Variants in GMDS observed in about 807,000 individuals in gnomAD.
GMDS encodes GDP-mannose 4,6 dehydratase.
In GMDS, 20 loss-of-function variants were observed where a neutral mutation model predicts 49.9. The ratio of observed to expected loss-of-function variants is 0.40; its 90% CI spans 0.28 to 0.58. The LOEUF (loss-of-function observed/expected upper bound fraction) is 0.58. GMDS is among the 20% of genes least tolerant of loss of function. The pLI is 0.42. For missense variants in GMDS, 362 were observed against 481.4 expected (o/e 0.75, Z 2.32); for synonymous variants, 177 against 178.6 (o/e 0.99, Z 0.07).
chr6:2,084,354 G>C (rs951088150), intron 4 of GMDS, among the ~76,000 whole-genome samples: 2 of 152,040 alleles, frequency 1.3e-5, no homozygotes, highest in African/African-American at 4.8e-5. Flanking sequence ...TTCATCAAGT[G>C]GTTGGACTCA....
At chr6:1,773,162 T>C (rs1768649695) in intron 7 of GMDS, among the ~76,000 whole-genome samples, 1 of 150,270 alleles carries the variant, frequency 6.7e-6, no homozygotes, top group Non-Finnish European at 1.5e-5. Context: ...TTATATGCAT[T>C]CAAGGCAGTT....
chr6:1,777,741 C>T (rs528196213), intron 7 of GMDS, among the ~76,000 whole-genome samples: 31 of 152,216 alleles, frequency 2.0e-4, no homozygotes, highest in African/African-American at 4.6e-4. Flanking sequence ...CTTTCTTCTT[C>T]GGGGGATGGA....
At chr6:1,865,968 A>G (rs1296120748) in intron 7 of GMDS, among the ~76,000 whole-genome samples, 2 of 152,132 alleles carry the variant, frequency 1.3e-5, no homozygotes, top group Non-Finnish European at 2.9e-5. Flanking sequence ...CCCAAACTCA[A>G]TTCCTGGCTG....
rs116056168 is a variant in GMDS, at chr6:1,924,689, G to C, written c.771+5414C>G. 6.2e-3 allele frequency among the ~76,000 whole-genome samples: 951 copies of C among 152,258 alleles called. 6 individuals carry two copies. The highest frequency in any genetic ancestry group is 0.022 in the African/African-American group (904 of 41,534). The stretch of plus-strand genomic sequence containing the variant: ...CAATAGAATACATGTTGAATGAACA[G>C]TGCCACCCTGAGAAGTCAGAGGTTC... On this transcript the variant is annotated intron_variant, in intron 7 of 10. Transcript: ENST00000380815.
At chr6:1,975,656 T>C (rs1242801044) in intron 4 of GMDS, among the ~76,000 whole-genome samples, 1 of 152,166 alleles carries the variant, frequency 6.6e-6, no homozygotes, top group Admixed American at 6.5e-5. Context: ...AAAGTCACAT[T>C]AGGAATAGGA....
At chr6:1,697,513 A>G (rs922602577) in intron 9 of GMDS, among the ~76,000 whole-genome samples, 1 of 152,250 alleles carries the variant, frequency 6.6e-6, no homozygotes, top group Admixed American at 6.5e-5. Flanking sequence ...GCTATTCCTT[A>G]ATAGAAAACA....
chr6:1,768,658 G>A (rs908898238), intron 7 of GMDS, among the ~76,000 whole-genome samples: 10 of 152,218 alleles, frequency 6.6e-5, no homozygotes, highest in African/African-American at 2.4e-4. Flanking sequence ...CAAAGGACAT[G>A]CTCATTGGAG....
chr6:1,696,079 C>T (rs1765331278), intron 9 of GMDS, among the ~76,000 whole-genome samples: 1 of 152,092 alleles, frequency 6.6e-6, no homozygotes, highest in Non-Finnish European at 1.5e-5. Flanking sequence ...AACAGAAAAG[C>T]AGGAGACAGA....
chr6:1,828,547 A>T (rs186434311), intron 7 of GMDS, among the ~76,000 whole-genome samples: 3 of 152,300 alleles, frequency 2.0e-5, no homozygotes, highest in Admixed American at 1.3e-4. Flanking sequence ...GCAAAACAGT[A>T]ACAATTCATC....
chr6:1,875,415 T>C (rs866784740), intron 7 of GMDS, among the ~76,000 whole-genome samples: 28 of 152,130 alleles, frequency 1.8e-4, no homozygotes, highest in Middle Eastern at 6.8e-3. Flanking sequence ...ATTTCAAACA[T>C]GTATAAGTGC....
chr6:1,892,842 C>T (rs1051424083), intron 7 of GMDS, among the ~76,000 whole-genome samples: 10 of 152,196 alleles, frequency 6.6e-5, no homozygotes, highest in African/African-American at 1.9e-4. Flanking sequence ...TGACTGGACA[C>T]GCATTCTGAC....
chr6:2,160,581 G>A (rs1167839567), intron 1 of GMDS, among the ~76,000 whole-genome samples: 1 of 152,170 alleles, frequency 6.6e-6, no homozygotes, highest in South Asian at 2.1e-4. Context: ...GACAGGTGTT[G>A]CCCAGGCTGC....
chr6:1,748,717 T>A (rs1363506462), intron 7 of GMDS, among the ~76,000 whole-genome samples: 1 of 152,244 alleles, frequency 6.6e-6, no homozygotes, highest in African/African-American at 2.4e-5. Flanking sequence ...TGGGTATGAC[T>A]GTGTTCCAAT....
intron 2 of GMDS, among the ~76,000 whole-genome samples, chr6:2,119,310 C>T (rs1275188990): frequency 6.6e-6 from 1 of 152,068 alleles, no homozygotes; most frequent in East Asian, 1.9e-4. Flanking sequence ...AAAATGCAGA[C>T]AACTATACAA....
chr6:1,743,003 AGATAG>A (rs1412409573), intron 7 of GMDS, among the ~76,000 whole-genome samples: 1 of 152,266 alleles, frequency 6.6e-6, no homozygotes, highest in Non-Finnish European at 1.5e-5. Context: ...TTCATATCAT[AGATAG>A]TAGTCAAGGA....
intron 4 of GMDS, among the ~76,000 whole-genome samples, chr6:2,021,749 T>C (rs74879115): frequency 6.6e-6 from 1 of 152,260 alleles, no homozygotes; most frequent in East Asian, 1.9e-4. Context: ...ACTGTGGAAA[T>C]GACTCTCCAC....
intron 4 of GMDS, among the ~76,000 whole-genome samples, chr6:1,967,171 C>T (rs1182614528): frequency 6.6e-6 from 1 of 152,160 alleles, no homozygotes; most frequent in Non-Finnish European, 1.5e-5. Flanking sequence ...CCATTCTATC[C>T]TTATCCACCC....
intron 6 of GMDS, among the ~76,000 whole-genome samples, chr6:1,938,046 T>C (rs1343312992): frequency 6.6e-6 from 1 of 152,158 alleles, no homozygotes; most frequent in African/African-American, 2.4e-5. Flanking sequence ...AAATACATGA[T>C]AAAACATGAG....
At chr6:2,013,909 C>G (rs72830121) in intron 4 of GMDS, among the ~76,000 whole-genome samples, 63,269 of 129,038 alleles carry the variant, frequency 0.49, 14,896 homozygotes, top group African/African-American at 0.55. Context: ...CAGAGAACAC[C>G]AGAGAGGATA....
Sources: allele counts gnomAD v4.1 joint callset (sites outside exome capture counted in the v4.1 genomes callset), GRCh38; gene constraint gnomAD v4.1.1; transcripts MANE v1.5; gene names NCBI Gene and HGNC (gene_info 2026-07-23, HGNC 2026-07-21).